The following PSMD8 variants were observed in gnomAD, a reference collection of about 807,000 sequenced individuals.
PSMD8 encodes 26S proteasome non-ATPase regulatory subunit 8.
In PSMD8, 30 loss-of-function variants were observed where a neutral mutation model predicts 40.0. That is an observed-to-expected ratio of 0.75 (90% CI 0.56 to 1.02). The LOEUF is 1.02. PSMD8 is among the 50% of genes least tolerant of loss of function. The pLI is 0.00. For synonymous variants in PSMD8, 208 were observed against 192.5 expected (o/e 1.08, Z -0.67); for missense variants, 461 against 463.9 (o/e 0.99, Z 0.06).
At chr19:38,377,503 T>C (rs1230624077) in intron 3 of PSMD8, among the ~76,000 whole-genome samples, 1 of 151,632 alleles carries the variant, frequency 6.6e-6, no homozygotes, top group Non-Finnish European at 1.5e-5. Context: ...CCAATAACTT[T>C]TTTTTTTTTT....
intron 6 of PSMD8, 122 bp downstream of exon 6, chr19:38,382,350 C>T (rs1432088404): frequency 5.2e-6 from 4 of 769,852 alleles, no homozygotes; most frequent in Non-Finnish European, 8.9e-6. Flanking sequence ...CTGTGTGACT[C>T]TAGGCAAGCT....
intron 4 of PSMD8, 139 bp from the exon 5 acceptor site, chr19:38,380,760 A>G (rs1306766750): frequency 1.5e-5 from 9 of 596,048 alleles, no homozygotes; most frequent in Non-Finnish European, 2.3e-5. Context: ...TTTCTGGAAG[A>G]GGGGGTACCC....
At chr19:38,382,709 C>A in intron 6 of PSMD8, 1 of 209,518 alleles carries the variant, frequency 4.8e-6, no homozygotes. Context: ...GAGTTCGAGA[C>A]CAGCCTGGTC....
In PSMD8 at chr19:38,383,300, G is replaced by T; in HGVS notation, c.963G>T (p.Gln321His). Residue 321 changes from glutamine (Q) to histidine (H), a missense_variant, in exon 7 of 7, where the codon CAG becomes CAT. Coordinates refer to ENST00000215071, the MANE Select transcript of PSMD8 (RefSeq NM_002812.5). ...GPNNYYSFAS[Q>H]QQKPEDTTIP... ...ACAACTACTACAGTTTTGCCAGCCA[G>T]CAGCAGAAGCCGGAAGACACCACCA... 6.2e-7 allele frequency: 1 copy of T among 1,613,634 alleles called. No individual in the cohort carries two copies. The highest frequency in any genetic ancestry group is 8.5e-7 in the Non-Finnish European group (1 of 1,179,880).
chr19:38,376,480 G>T lies in PSMD8; in HGVS notation c.536+26G>T, dbSNP rs115685545. The T allele has an allele frequency of 7.1e-4, 1,070 of 1,510,054 alleles. 8 individuals are homozygous for T. The African/African-American group carries it at 0.014, about 19-fold the overall frequency. 93.5% of individuals were successfully genotyped at this position (1,510,054 alleles called of 1,614,324 possible). On this transcript the variant is annotated intron_variant, in intron 3 of 6. Coordinates refer to ENST00000215071, the MANE Select transcript of PSMD8 (RefSeq NM_002812.5). ...GTGAGAATGGGCCCTGCCCCCAACTGGGGGGGTGGTTGCATGGAAGCTCCT... is the reference window on the plus strand; with the variant it reads ...GTGAGAATGGGCCCTGCCCCCAACTTGGGGGGTGGTTGCATGGAAGCTCCT...
At position 38,379,270 on chromosome 19, in the gene PSMD8, C is replaced by G; in HGVS notation, c.567C>G (p.His189Gln). 1.2e-6 allele frequency: 2 copies of G among 1,613,974 alleles called. No individual in the cohort carries two copies. The highest frequency in any genetic ancestry group is 1.7e-6 in the Non-Finnish European group (2 of 1,179,890). The change falls in exon 4 of 7, where the codon CAC becomes CAG. Residue 189 changes from histidine (H) to glutamine (Q), a missense_variant. By Grantham distance (24) the His-to-Gln change is conservative. Around this residue, in one of 2 missense-constraint regions of PSMD8, gnomAD observed 236 missense variants for 321.2 expected, o/e 0.73. Transcript: ENST00000215071. ...AGCTCCCCGAGTCAGCCTATATGCA[C>G]CAGCTCTTGGGCCTCAACCTCCTCT... ...KEQLPESAYM[H>Q]QLLGLNLLFL...
chr19:38,380,824 A>T, intron 4 of PSMD8, 75 bp from the exon 5 acceptor site: 12 of 1,165,300 alleles, frequency 1.0e-5, no homozygotes, highest in Non-Finnish European at 1.5e-5. Context: ...TAGGAGTGTG[A>T]TGAGGCCCAC....
chr19:38,382,261 C>A, intron 6 of PSMD8, 33 bp downstream of exon 6: 2 of 1,515,088 alleles, frequency 1.3e-6, no homozygotes, highest in Non-Finnish European at 1.8e-6. Flanking sequence ...GGCCGTGGGA[C>A]CAAGGGGTGA....
intron 6 of PSMD8, 144 bp downstream of exon 6, chr19:38,382,372 C>T (rs941570233): frequency 2.9e-6 from 2 of 690,222 alleles, no homozygotes; most frequent in African/African-American, 3.5e-5. Flanking sequence ...CCAAAGCTCT[C>T]TGACATCAGT....
intron 4 of PSMD8, 44 bp downstream of exon 4, chr19:38,379,449 G>A (rs998567989): frequency 1.2e-6 from 2 of 1,601,920 alleles, no homozygotes; most frequent in African/African-American, 2.7e-5. Flanking sequence ...AAAGTGGGTG[G>A]TGCAGGGGTG....
Position 38,382,245 on chromosome 19 carries a change from G to A in PSMD8, c.915+17G>A. 6.4e-7 allele frequency: 1 copy of A among 1,562,034 alleles called. No individual in the cohort carries two copies. The highest frequency in any genetic ancestry group is 8.7e-7 in the Non-Finnish European group (1 of 1,150,588). ...GCCAAGAAGGTGGCTGGGGTACAGG[G>A]CAAGGGGCCGTGGGACCAAGGGGTG... On this transcript the variant is annotated intron_variant, in intron 6 of 6. Coordinates refer to ENST00000215071, the MANE Select transcript of PSMD8 (RefSeq NM_002812.5).
At chr19:38,380,872 C>T (rs1274615608) in intron 4 of PSMD8, 27 bp from the exon 5 acceptor site, 3 of 1,518,588 alleles carry the variant, frequency 2.0e-6, no homozygotes, top group African/African-American at 2.8e-5. Flanking sequence ...TTCATTCTCT[C>T]TTCTTCCCCC....
chr19:38,382,930 A>C, intron 6 of PSMD8: 1 of 263,650 alleles, frequency 3.8e-6, no homozygotes, highest in Non-Finnish European at 7.3e-6. Flanking sequence ...AAAAAAAAAA[A>C]GAAGAAGGTG....
chr19:38,383,480 C>A lies in PSMD8; in HGVS notation c.*90C>A. The A allele has an allele frequency of 1.3e-6, 2 of 1,520,838 alleles. No individual in the cohort carries two copies. Among genetic ancestry groups the A allele is most frequent in the South Asian group, 1.2e-5 (1 of 85,052 alleles). The allele number at this position is 1,520,838 out of a possible 1,614,324, so 94.2% of individuals were successfully genotyped here. Reference sequence around the variant, plus strand: ...CCCAATAAAGGTGGACTGACATTCCCTCTTCCAGGCCCTTGTCTCCCCAGT... The same window carrying A: ...CCCAATAAAGGTGGACTGACATTCCATCTTCCAGGCCCTTGTCTCCCCAGT... On this transcript the variant is annotated 3_prime_UTR_variant, in exon 7 of 7. Transcript: ENST00000215071.
chr19:38,376,006 C>T (rs763946060), intron 1 of PSMD8, among the ~76,000 whole-genome samples, 154 bp from the exon 2 acceptor site: 13 of 152,144 alleles, frequency 8.5e-5, no homozygotes, highest in Non-Finnish European at 1.6e-4. Flanking sequence ...GTGCTCAGGC[C>T]CTGTTCTGAG....
intron 2 of PSMD8, 53 bp from the exon 3 acceptor site, chr19:38,376,299 G>A (rs2302226): frequency 6.5e-7 from 1 of 1,535,258 alleles, no homozygotes; most frequent in African/African-American, 1.4e-5. Flanking sequence ...TAGCACTGGT[G>A]GTTGGGGAAG....
intron 1 of PSMD8, among the ~76,000 whole-genome samples, chr19:38,375,706 G>A (rs1477426738): frequency 6.6e-6 from 1 of 152,144 alleles, no homozygotes; most frequent in Non-Finnish European, 1.5e-5. Context: ...TGTTGGGAGG[G>A]AGTGTAAATC....
At position 38,381,015 on chromosome 19, in the gene PSMD8, G is replaced by A. The variant is rs200421213; in HGVS notation, c.803+16G>A. On this transcript the variant is annotated intron_variant, in intron 5 of 6. Coordinates refer to ENST00000215071, the MANE Select transcript of PSMD8 (RefSeq NM_002812.5). ...ACACTATCAGGTGCGTAGCGGGGCCGGGCCCTGTGGAGTTTGGAAAGAACT... is the reference window on the plus strand; with the variant it reads ...ACACTATCAGGTGCGTAGCGGGGCCAGGCCCTGTGGAGTTTGGAAAGAACT... 1.6e-5 allele frequency: 24 copies of A among 1,526,752 alleles called. No individual in the cohort carries two copies. Among genetic ancestry groups the A allele is most frequent in the Middle Eastern group, 1.7e-4 (1 of 5,848 alleles). The allele number at this position is 1,526,752 out of a possible 1,614,324, so 94.6% of individuals were successfully genotyped here.
chr19:38,380,732 G>A (rs1022377026), intron 4 of PSMD8, among the ~76,000 whole-genome samples, 167 bp from the exon 5 acceptor site: 3 of 151,684 alleles, frequency 2.0e-5, no homozygotes, highest in Admixed American at 6.6e-5. Flanking sequence ...GTGTGTGTGC[G>A]CATAAACCAG....
Sources: allele counts gnomAD v4.1 joint callset (sites outside exome capture counted in the v4.1 genomes callset), GRCh38; gene constraint gnomAD v4.1.1; regional missense constraint gnomAD v4.1.1; transcripts MANE v1.5; gene names NCBI Gene and HGNC (gene_info 2026-07-23, HGNC 2026-07-21).